CD247: variants seen among roughly 807,000 people sequenced by gnomAD.
CD247 encodes the protein T-cell surface glycoprotein CD3 zeta chain.
A neutral mutation model predicts 30.0 loss-of-function variants in CD247; 13 were observed. The ratio of observed to expected loss-of-function variants is 0.43; its 90% CI spans 0.28 to 0.69. The LOEUF (loss-of-function observed/expected upper bound fraction) is 0.69. CD247 is among the 30% of genes least tolerant of loss of function. The probability of loss-of-function intolerance (pLI) is 0.16; values close to 1 mark genes in which losing one functional copy is unlikely to be tolerated. For missense variants in CD247, 193 were observed against 212.6 expected (o/e 0.91, Z 0.57); for synonymous variants, 72 against 80.0 (o/e 0.90, Z 0.53).
intron 1 of CD247, among the ~76,000 whole-genome samples, chr1:167,487,990 C>G (rs374424068): frequency 1.3e-5 from 2 of 152,192 alleles, no homozygotes; most frequent in Non-Finnish European, 2.9e-5. Context: ...CTTCCCCACT[C>G]GGCCCCCAAA....
chr1:167,471,336 A>G (rs1653514490), intron 1 of CD247, among the ~76,000 whole-genome samples: 1 of 152,176 alleles, frequency 6.6e-6, no homozygotes, highest in Non-Finnish European at 1.5e-5. Context: ...CTTAGGGCTG[A>G]CTTACTTTCC....
chr1:167,516,614 C>T lies in CD247; in HGVS notation c.58+1794G>A, dbSNP rs538829143. ...CCTCGGTGTCAAGGCCTCTCTGAGTCGCGCTTTGCCTTACCGTACCTCGTT... is the reference window on the plus strand; with the variant it reads ...CCTCGGTGTCAAGGCCTCTCTGAGTTGCGCTTTGCCTTACCGTACCTCGTT... On this transcript the variant is annotated intron_variant, in intron 1 of 7. Transcript: ENST00000362089. Among the ~76,000 whole-genome samples, 300 of 152,276 alleles carry T rather than the reference C, an allele frequency of 2.0e-3. 3 individuals are homozygous for T. The highest frequency in any genetic ancestry group is 6.9e-3 in the African/African-American group (286 of 41,548).
intron 1 of CD247, among the ~76,000 whole-genome samples, chr1:167,446,942 C>T (rs1032896791): frequency 1.3e-5 from 2 of 152,108 alleles, no homozygotes; most frequent in Admixed American, 6.5e-5. Flanking sequence ...TTGCAGTAAG[C>T]GGAGATTACG....
At chr1:167,517,661 G>T (rs1655670262) in intron 1 of CD247, among the ~76,000 whole-genome samples, 1 of 152,206 alleles carries the variant, frequency 6.6e-6, no homozygotes, top group South Asian at 2.1e-4. Flanking sequence ...TTCTGTCAAT[G>T]CCGGGCCCTC....
intron 1 of CD247, among the ~76,000 whole-genome samples, chr1:167,452,488 C>T (rs963828301): frequency 1.3e-5 from 2 of 151,152 alleles, no homozygotes; most frequent in Admixed American, 6.6e-5. Context: ...GATGTAAAGA[C>T]ACAGGGAGAG....
intron 1 of CD247, among the ~76,000 whole-genome samples, chr1:167,509,804 G>C (rs1356887209): frequency 6.6e-6 from 1 of 152,190 alleles, no homozygotes; most frequent in African/African-American, 2.4e-5. Flanking sequence ...ATTAAGGGGT[G>C]AACAGGGTTT....
intron 1 of CD247, among the ~76,000 whole-genome samples, chr1:167,490,269 T>G (rs903400035): frequency 3.3e-5 from 5 of 152,230 alleles, no homozygotes; most frequent in Admixed American, 2.0e-4. Context: ...GACCTCATCT[T>G]TCTTAATTTT....
At chr1:167,454,925 C>T (rs1558004138) in intron 1 of CD247, among the ~76,000 whole-genome samples, 1 of 152,230 alleles carries the variant, frequency 6.6e-6, no homozygotes, top group Non-Finnish European at 1.5e-5. Flanking sequence ...GAGGGCGCCT[C>T]CTCAGAGTCC....
intron 1 of CD247, among the ~76,000 whole-genome samples, chr1:167,486,120 C>A (rs1473860674): frequency 6.6e-6 from 1 of 152,188 alleles, no homozygotes; most frequent in Non-Finnish European, 1.5e-5. Flanking sequence ...AGAGAACAGG[C>A]ATTGTCAGGC....
At chr1:167,465,505 A>G (rs938811785) in intron 1 of CD247, among the ~76,000 whole-genome samples, 9 of 150,968 alleles carry the variant, frequency 6.0e-5, no homozygotes, top group African/African-American at 2.2e-4. Context: ...TTTTTTTTGT[A>G]TTTTTAGTAG....
At chr1:167,489,810 G>T (rs1281809548) in intron 1 of CD247, among the ~76,000 whole-genome samples, 1 of 152,154 alleles carries the variant, frequency 6.6e-6, no homozygotes, top group African/African-American at 2.4e-5. Context: ...TTTCTCACAG[G>T]CGGTTTCCCT....
intron 1 of CD247, among the ~76,000 whole-genome samples, chr1:167,468,833 G>A (rs1179847028): frequency 6.6e-6 from 1 of 152,028 alleles, no homozygotes; most frequent in African/African-American, 2.4e-5. Context: ...GTCGCTCCTA[G>A]ACTGAGATGC....
At chr1:167,509,369 CAA>C (rs35004744) in intron 1 of CD247, among the ~76,000 whole-genome samples, 35 of 63,850 alleles carry the variant, frequency 5.5e-4, no homozygotes, top group East Asian at 2.1e-3. Context: ...AACTCTGTCT[CAA>C]AAAAAAAAAA....
chr1:167,508,251 C>T lies in CD247; in HGVS notation c.58+10157G>A, dbSNP rs112142469. Among the ~76,000 whole-genome samples the T allele has an allele frequency of 2.2e-3, 329 of 152,218 alleles. 2 individuals carry two copies. The highest frequency in any genetic ancestry group is 6.8e-3 in the African/African-American group (284 of 41,530). On this transcript the variant is annotated intron_variant, in intron 1 of 7. Transcript: ENST00000362089. Reference sequence around the variant, plus strand: ...ACTCCCACCCCAAAGAGCTATTGCGCGACGAGATGCTCCGTTGAAATGGAA... The same window carrying T: ...ACTCCCACCCCAAAGAGCTATTGCGTGACGAGATGCTCCGTTGAAATGGAA...
chr1:167,512,261 T>C (rs1385213297), intron 1 of CD247, among the ~76,000 whole-genome samples: 2 of 152,136 alleles, frequency 1.3e-5, no homozygotes, highest in Non-Finnish European at 2.9e-5. Context: ...ACTTTGTCCT[T>C]GGATTTTTCA....
At chr1:167,436,606 C>A (rs946896133) in intron 4 of CD247, among the ~76,000 whole-genome samples, 7 of 152,160 alleles carry the variant, frequency 4.6e-5, no homozygotes, top group African/African-American at 1.7e-4. Context: ...CAAAAATCAA[C>A]TGAAAATGGA....
intron 1 of CD247, among the ~76,000 whole-genome samples, chr1:167,447,077 ACTC>A (rs147447270): frequency 0.077 from 11,754 of 152,194 alleles, 558 homozygotes; most frequent in East Asian, 0.2. Flanking sequence ...CTTTCTGAGA[ACTC>A]CTCACTTCAC....
rs559384801 is a variant in CD247, at chr1:167,518,513, C to T, written c.-48G>A. ...GGCTGGGAGGCAGAGGCTGAGGCAG[C>T]GGTGGCCGGGACGGTTAGGAGAAAA... On this transcript the variant is annotated 5_prime_UTR_variant, in exon 1 of 8. Coordinates refer to ENST00000362089, the MANE Select transcript of CD247 (RefSeq NM_198053.3). 14 of 1,545,298 alleles carry T rather than the reference C, an allele frequency of 9.1e-6. 1 individual carries two copies. Among genetic ancestry groups the T allele is most frequent in the East Asian group, 6.7e-5 (3 of 44,548 alleles).
At chr1:167,455,974 G>T (rs1162547335) in intron 1 of CD247, among the ~76,000 whole-genome samples, 1 of 151,576 alleles carries the variant, frequency 6.6e-6, no homozygotes, top group Non-Finnish European at 1.5e-5. Context: ...AAGCCCCGGA[G>T]AGACGCAACC....
Sources: allele counts gnomAD v4.1 joint callset (sites outside exome capture counted in the v4.1 genomes callset), GRCh38; gene constraint gnomAD v4.1.1; transcripts MANE v1.5; gene names NCBI Gene and HGNC (gene_info 2026-07-23, HGNC 2026-07-21).